Variants in LGSN observed in about 807,000 individuals in gnomAD.
LGSN encodes lengsin, lens protein with glutamine synthetase domain, also known as lengsin.
LGSN carries 21 observed loss-of-function variants against 19.5 expected under a neutral mutation model. That is an observed-to-expected ratio of 1.07 (90% confidence interval 0.76 to 1.55). The LOEUF (loss-of-function observed/expected upper bound fraction) is 1.55. Among genes scored for constraint, LGSN ranks in the 40% most tolerant of loss-of-function variants. LGSN has a pLI of 0.00. For missense variants in LGSN, 673 were observed against 608.5 expected (o/e 1.11, Z -1.12); for synonymous variants, 257 against 215.6 (o/e 1.19, Z -1.68).
chr6:63,563,188 A>G, the LGSN span, among the ~76,000 whole-genome samples: 28 of 152,226 alleles, frequency 1.8e-4, no homozygotes, highest in Non-Finnish European at 7.3e-5. Context: ...TCCACAGAAC[A>G]GAAAAACAAT....
At chr6:63,285,790 C>A in intron 2 of LGSN, 37 bp from the exon 3 acceptor site, 2 of 1,575,492 alleles carry the variant, frequency 1.3e-6, no homozygotes, top group South Asian at 2.2e-5. Context: ...CTCACGAGAT[C>A]ATGATGGACT....
the LGSN span, among the ~76,000 whole-genome samples, chr6:63,462,321 A>G: frequency 3.3e-5 from 5 of 152,174 alleles, no homozygotes; most frequent in African/African-American, 1.2e-4. Context: ...AGGAAAACCC[A>G]TGACTAGTAC....
chr6:63,444,855 G>A, the LGSN span, among the ~76,000 whole-genome samples: 4 of 152,148 alleles, frequency 2.6e-5, no homozygotes, highest in African/African-American at 7.2e-5. Context: ...AGCATGCCAT[G>A]GCTGACTGTG....
the LGSN span, among the ~76,000 whole-genome samples, chr6:63,449,870 G>C: frequency 6.6e-6 from 1 of 152,064 alleles, no homozygotes; most frequent in Non-Finnish European, 1.5e-5. Flanking sequence ...TGGCTTAGCT[G>C]AAAATAATGA....
At chr6:63,419,906 A>G in the LGSN span, among the ~76,000 whole-genome samples, 1 of 114,604 alleles carries the variant, frequency 8.7e-6, no homozygotes, top group Non-Finnish European at 1.9e-5. Flanking sequence ...AAAAAAAAAA[A>G]AAAAAAAAAA....
upstream of LGSN, among the ~76,000 whole-genome samples, chr6:63,324,785 G>A (rs1331186465): frequency 6.6e-6 from 1 of 151,294 alleles, no homozygotes; most frequent in Non-Finnish European, 1.5e-5. Context: ...TAAGAGGGAA[G>A]TTGATAGCAA....
chr6:63,509,039 A>T, the LGSN span, among the ~76,000 whole-genome samples: 1 of 151,700 alleles, frequency 6.6e-6, no homozygotes, highest in African/African-American at 2.4e-5. Flanking sequence ...TATATTTAAC[A>T]ATATAAAATT....
At position 63,285,598 on chromosome 6, in the gene LGSN, G is replaced by A. The variant is rs781500617; in HGVS notation, c.319C>T (p.His107Tyr). 1 of 1,613,466 alleles carries A rather than the reference G, an allele frequency of 6.2e-7. No homozygotes were observed. Among genetic ancestry groups the A allele is most frequent in the Non-Finnish European group, 8.5e-7 (1 of 1,179,542 alleles). The change falls in exon 3 of 4, where the codon CAC (histidine) becomes TAC (tyrosine). Residue 107 changes from histidine (H) to tyrosine (Y), a missense_variant. By Grantham distance (83) the His-to-Tyr change is moderately conservative. Coordinates refer to ENST00000370657, the MANE Select transcript of LGSN (RefSeq NM_016571.3). Reference sequence around the variant, plus strand: ...TGTGTAAAACTCACTTGAAAAAAGTGTGCAGGGATAGTCTTAGACCTGGAC... The same window carrying A: ...TGTGTAAAACTCACTTGAAAAAAGTATGCAGGGATAGTCTTAGACCTGGAC... ...GVSRSKTIPA[H>Y]FFQEKVSHGV... is the part of the protein sequence containing the mutation.
chr6:63,317,943 C>A (rs140535051), intron 1 of LGSN, among the ~76,000 whole-genome samples: 2 of 152,174 alleles, frequency 1.3e-5, no homozygotes, highest in Non-Finnish European at 2.9e-5. Flanking sequence ...GCACCACACA[C>A]AAGGTTCTTG....
At chr6:63,513,876 A>G in the LGSN span, among the ~76,000 whole-genome samples, 1 of 129,922 alleles carries the variant, frequency 7.7e-6, no homozygotes, top group East Asian at 2.4e-4. Context: ...CTACCATTGC[A>G]CTCCAGCCTG....
At chr6:63,345,216 G>T in the LGSN span, among the ~76,000 whole-genome samples, 27 of 152,182 alleles carry the variant, frequency 1.8e-4, no homozygotes, top group African/African-American at 6.5e-4. Context: ...TATATGTTTT[G>T]GGTTGGGTAA....
At chr6:63,469,995 C>T in the LGSN span, among the ~76,000 whole-genome samples, 41 of 152,152 alleles carry the variant, frequency 2.7e-4, no homozygotes, top group African/African-American at 9.2e-4. Flanking sequence ...GGATTACAGG[C>T]GTGAGCCACT....
At chr6:63,566,272 G>T in the LGSN span, among the ~76,000 whole-genome samples, 1 of 152,206 alleles carries the variant, frequency 6.6e-6, no homozygotes, top group African/African-American at 2.4e-5. Context: ...AACTTGCAGG[G>T]TGTTGCAATG....
the LGSN span, chr6:63,521,719 T>C: frequency 6.6e-6 from 1 of 152,184 alleles, no homozygotes. Context: ...CAGATAGACT[T>C]AAGCTCCTGC....
chr6:63,504,691 ACCTCGGTGT>A, the LGSN span, among the ~76,000 whole-genome samples: 1 of 151,572 alleles, frequency 6.6e-6, no homozygotes, highest in East Asian at 1.9e-4. Context: ...TGATCCACCC[ACCTCGGTGT>A]CCCAAAGTGC....
chr6:63,401,840 A>T, the LGSN span, among the ~76,000 whole-genome samples: 24 of 152,252 alleles, frequency 1.6e-4, no homozygotes. Flanking sequence ...TTACTTACGT[A>T]AACAGATGGC....
At chr6:63,350,577 G>T in the LGSN span, among the ~76,000 whole-genome samples, 1 of 152,240 alleles carries the variant, frequency 6.6e-6, no homozygotes, top group South Asian at 2.1e-4. Flanking sequence ...TCAGGCCAGG[G>T]GTGGTGGCTC....
the LGSN span, among the ~76,000 whole-genome samples, chr6:63,353,603 A>AG: frequency 7.3e-5 from 11 of 151,368 alleles, no homozygotes; most frequent in Non-Finnish European, 1.0e-4. Flanking sequence ...AAAAAAAAAA[A>AG]AAAAGAAAAA....
At chr6:63,543,448 A>G in the LGSN span, among the ~76,000 whole-genome samples, 3 of 152,342 alleles carry the variant, frequency 2.0e-5, no homozygotes, top group African/African-American at 7.2e-5. Flanking sequence ...GTAAATTATA[A>G]GCTCTTTATG....
Sources: gnomAD v4.1 joint callset for allele counts (sites outside exome capture counted in the v4.1 genomes callset) on GRCh38, gnomAD v4.1.1 for gene constraint, MANE v1.5 for transcripts, NCBI Gene and HGNC (gene_info 2026-07-23, HGNC 2026-07-21) for gene names.